Variants in NAV2 observed in about 807,000 individuals in gnomAD.
NAV2 encodes the protein helicase, APC down-regulated 1.
NAV2 carries 54 observed loss-of-function variants against 223.2 expected under a neutral mutation model. The ratio of observed to expected loss-of-function variants is 0.24; its 90% CI spans 0.19 to 0.30. The LOEUF (loss-of-function observed/expected upper bound fraction) is 0.30. Among genes scored for constraint, NAV2 ranks in the 10% least tolerant of loss-of-function variants. NAV2 has a pLI of 1.00. For missense variants in NAV2, 2,806 were observed against 3,147.5 expected (o/e 0.89, Z 2.60); for synonymous variants, 1,279 against 1,239.3 (o/e 1.03, Z -0.67).
At chr11:19,658,592 C>T (rs1223715512) in intron 1 of NAV2, among the ~76,000 whole-genome samples, 2 of 152,132 alleles carry the variant, frequency 1.3e-5, no homozygotes, top group Non-Finnish European at 2.9e-5. Flanking sequence ...AATGTGGAAG[C>T]CAGACTCCCT....
At chr11:20,088,406 C>T (rs1043711789) in intron 26 of NAV2, among the ~76,000 whole-genome samples, 7 of 152,170 alleles carry the variant, frequency 4.6e-5, no homozygotes, top group African/African-American at 7.2e-5. Context: ...AGGCTTGTCT[C>T]GAACTCCCCA....
intron 11 of NAV2, chr11:20,023,168 G>T (rs182719336): frequency 1.3e-6 from 2 of 1,544,412 alleles, no homozygotes; most frequent in South Asian, 1.2e-5. Context: ...GGGCCAGGGG[G>T]TGGGTGTGGT....
chr11:19,836,641 C>T (rs2060254353), intron 2 of NAV2, among the ~76,000 whole-genome samples: 1 of 151,332 alleles, frequency 6.6e-6, no homozygotes, highest in Non-Finnish European at 1.5e-5. Flanking sequence ...CTATTAATTA[C>T]TTCCTGTGAT....
chr11:19,804,805 T>C (rs1820362478), intron 1 of NAV2, among the ~76,000 whole-genome samples: 1 of 152,152 alleles, frequency 6.6e-6, no homozygotes, highest in African/African-American at 2.4e-5. Flanking sequence ...AGAAACTGGA[T>C]GAAAAAGCCA....
At chr11:19,731,275 GC>G in intron 1 of NAV2, among the ~76,000 whole-genome samples, 1 of 152,314 alleles carries the variant, frequency 6.6e-6, no homozygotes, top group African/African-American at 2.4e-5. Context: ...GGCAAGCATT[GC>G]CCCCAGTGTT....
chr11:19,594,879 C>T (rs2046164166), intron 1 of NAV2, among the ~76,000 whole-genome samples: 1 of 152,164 alleles, frequency 6.6e-6, no homozygotes, highest in East Asian at 1.9e-4. Context: ...GCACATAAAG[C>T]ACTTGCAAAG....
chr11:19,415,486 C>A (rs986775166), intron 1 of NAV2, among the ~76,000 whole-genome samples: 1 of 152,112 alleles, frequency 6.6e-6, no homozygotes, highest in African/African-American at 2.4e-5. Context: ...CAGGACCCAA[C>A]GGATTCACAG....
chr11:19,504,108 T>C (rs1265751162), intron 1 of NAV2, among the ~76,000 whole-genome samples: 2 of 152,106 alleles, frequency 1.3e-5, no homozygotes, highest in African/African-American at 4.8e-5. Context: ...AAAATGACAA[T>C]GGGACAGCAC....
At chr11:19,977,474 A>G (rs1233266806) in intron 10 of NAV2, among the ~76,000 whole-genome samples, 2 of 152,196 alleles carry the variant, frequency 1.3e-5, no homozygotes, top group African/African-American at 4.8e-5. Flanking sequence ...TTGATTCTAA[A>G]ATATGTAAGA....
At chr11:19,426,388 C>T (rs1277801736) in intron 1 of NAV2, among the ~76,000 whole-genome samples, 2 of 152,120 alleles carry the variant, frequency 1.3e-5, no homozygotes, top group African/African-American at 4.8e-5. Context: ...AAATTTCTGC[C>T]ATCACAACCT....
intron 1 of NAV2, among the ~76,000 whole-genome samples, chr11:19,465,065 T>C (rs1346426782): frequency 3.3e-5 from 5 of 152,210 alleles, no homozygotes; most frequent in Admixed American, 2.6e-4. Flanking sequence ...GTAGTTCTGT[T>C]TCTATGGATT....
intron 1 of NAV2, among the ~76,000 whole-genome samples, chr11:19,812,967 A>G (rs1180265948): frequency 6.6e-6 from 1 of 152,114 alleles, no homozygotes; most frequent in African/African-American, 2.4e-5. Flanking sequence ...ACTTCTTCTA[A>G]TAACCTTCCA....
At chr11:19,729,421 T>C (rs1449915289) in intron 1 of NAV2, among the ~76,000 whole-genome samples, 1 of 152,220 alleles carries the variant, frequency 6.6e-6, no homozygotes, top group Non-Finnish European at 1.5e-5. Context: ...ACACTGGGAA[T>C]GTCAGCCACT....
chr11:19,415,552 C>G (rs1038954452), intron 1 of NAV2, among the ~76,000 whole-genome samples: 1 of 152,128 alleles, frequency 6.6e-6, no homozygotes, highest in African/African-American at 2.4e-5. Context: ...TGAAACTATT[C>G]CAAACAGTAG....
chr11:19,613,745 G>A (rs906421770), intron 1 of NAV2, among the ~76,000 whole-genome samples: 4 of 152,086 alleles, frequency 2.6e-5, no homozygotes, highest in African/African-American at 4.8e-5. Flanking sequence ...TATGACCTTC[G>A]GCAAGTTAGT....
chr11:19,992,554 A>C (rs1301722430), intron 11 of NAV2, among the ~76,000 whole-genome samples: 13 of 151,136 alleles, frequency 8.6e-5, no homozygotes, highest in Non-Finnish European at 2.9e-5. Context: ...CCTGAGGGTC[A>C]GAGAGAGTAT....
chr11:19,432,832 A>G lies in NAV2; in HGVS notation c.75+81805A>G, dbSNP rs79634043. On this transcript the variant is annotated intron_variant, in intron 1 of 37. Transcript: ENST00000360655. ...CTTTACCCTCATTTGAATCTCCCCA[A>G]TAACTCTTACCGCAGCTGAGGAGAG... Among the ~76,000 whole-genome samples the G allele has an allele frequency of 2.4e-3, 361 of 152,286 alleles. 1 individual carries two copies. Among genetic ancestry groups the G allele is most frequent in the African/African-American group, 7.7e-3 (322 of 41,570 alleles).
chr11:19,956,538 G>C (rs1436629392), intron 10 of NAV2, among the ~76,000 whole-genome samples: 1 of 152,148 alleles, frequency 6.6e-6, no homozygotes, highest in Non-Finnish European at 1.5e-5. Flanking sequence ...GAATGGCTCA[G>C]AGAACTCAGG....
At chr11:19,476,296 T>C (rs1479458088) in intron 1 of NAV2, among the ~76,000 whole-genome samples, 1 of 152,262 alleles carries the variant, frequency 6.6e-6, no homozygotes. Flanking sequence ...TTGTTTCTCT[T>C]ACAGTCAAAA....
Sources: allele counts gnomAD v4.1 joint callset (sites outside exome capture counted in the v4.1 genomes callset), GRCh38; gene constraint gnomAD v4.1.1; transcripts MANE v1.5; gene names NCBI Gene and HGNC (gene_info 2026-07-23, HGNC 2026-07-21).